The following ATP2C2 variants were observed in gnomAD, a reference collection of about 807,000 sequenced individuals.
The protein encoded by ATP2C2 is calcium-transporting ATPase type 2C member 2.
A neutral mutation model predicts 110.8 loss-of-function variants in ATP2C2; 171 were observed. That is an observed-to-expected ratio of 1.54 (90% CI 1.36 to 1.75). The LOEUF is 1.75. ATP2C2 is among the 40% of genes most tolerant of loss of function. The probability of loss-of-function intolerance (pLI) is 0.00; values close to 1 mark genes in which losing one functional copy is unlikely to be tolerated. For missense variants in ATP2C2, 1,963 were observed against 1,235.0 expected (o/e 1.59, Z -8.84); for synonymous variants, 804 against 508.4 (o/e 1.58, Z -7.82).
chr16:84,436,618 G>A (rs1158445949), intron 11 of ATP2C2, among the ~76,000 whole-genome samples: 3 of 152,128 alleles, frequency 2.0e-5, no homozygotes, highest in Non-Finnish European at 4.4e-5. Context: ...GGATCCATGC[G>A]GTGACAGCAC....
In ATP2C2 at chr16:84,450,037, G is replaced by A. The variant is rs548605212; in HGVS notation, c.1660+1348G>A. The stretch of plus-strand genomic sequence containing the variant: ...GTGCAGCCAGCGCCTTCGCCCGGAT[G>A]TCTGCTGCGGAGCGTAATGACGCGT... On this transcript the variant is annotated intron_variant, in intron 17 of 26. Transcript: ENST00000262429. 1.5e-4 allele frequency among the ~76,000 whole-genome samples: 23 copies of A among 152,386 alleles called. No individual in the cohort carries two copies. The South Asian group carries it at 4.6e-3, about 30-fold the overall frequency.
Position 84,452,038 on chromosome 16 carries a change from G to T in ATP2C2, c.1778G>T (p.Gly593Val), listed in dbSNP as rs540417817. 1.9e-6 allele frequency: 3 copies of T among 1,613,760 alleles called. No homozygotes were observed. Among genetic ancestry groups the T allele is most frequent in the Admixed American group, 3.3e-5 (2 of 59,964 alleles). The change falls in exon 18 of 27, where the codon GGT becomes GTT. Residue 593 changes from glycine to valine, a missense_variant. Coordinates refer to ENST00000262429, the MANE Select transcript of ATP2C2 (RefSeq NM_014861.4). ...GCAGTCCAGGTTCTCTCCGAGTCTG[G>T]TGTGTCTGTGAAGATGATAACGGGG... ...KEAVQVLSESGVSVKMITGDA... is the reference protein window; with the variant it reads ...KEAVQVLSESVVSVKMITGDA...
At chr16:84,413,641 TC>T (rs1906583496) in intron 6 of ATP2C2, among the ~76,000 whole-genome samples, 1 of 152,166 alleles carries the variant, frequency 6.6e-6, no homozygotes, top group South Asian at 2.1e-4. Context: ...TATTGATGTC[TC>T]CCGGGAGGTC....
chr16:84,412,741 A>C (rs1251366735), intron 6 of ATP2C2, among the ~76,000 whole-genome samples: 1 of 152,162 alleles, frequency 6.6e-6, no homozygotes, highest in East Asian at 1.9e-4. Context: ...ACATTGGTTG[A>C]GGTCCTGTCA....
intron 7 of ATP2C2, among the ~76,000 whole-genome samples, chr16:84,418,235 G>A (rs903662852): frequency 6.6e-6 from 1 of 152,186 alleles, no homozygotes; most frequent in African/African-American, 2.4e-5. Flanking sequence ...GTGAGCCCGC[G>A]ATTGTGCCTC....
chr16:84,404,370 C>T (rs753216303), intron 2 of ATP2C2: 64 of 156,646 alleles, frequency 4.1e-4, no homozygotes, highest in Non-Finnish European at 7.3e-4. Context: ...GCCTCTGACA[C>T]CCACCATTCT....
chr16:84,373,733 C>T (rs533902927), intron 1 of ATP2C2, among the ~76,000 whole-genome samples: 9 of 152,210 alleles, frequency 5.9e-5, no homozygotes, highest in Admixed American at 3.9e-4. Flanking sequence ...CCTTCAATGA[C>T]GTCATTCACG....
At chr16:84,400,242 C>A (rs746926225) in intron 2 of ATP2C2, among the ~76,000 whole-genome samples, 9 of 152,024 alleles carry the variant, frequency 5.9e-5, no homozygotes, top group Non-Finnish European at 1.3e-4. Context: ...GTGCAGATAT[C>A]TCTTCAATAT....
intron 2 of ATP2C2, 94 bp downstream of exon 2, chr16:84,398,703 G>C: frequency 2.1e-6 from 2 of 960,124 alleles, no homozygotes; most frequent in East Asian, 3.0e-5. Flanking sequence ...TTGAAATTCT[G>C]TGTTATTATC....
rs112814299 is a variant in ATP2C2, at chr16:84,454,871, C to T, written c.2034C>T (p.Asp678=). 1.3e-4 allele frequency: 208 copies of T among 1,613,754 alleles called. 2 individuals carry two copies. The African/African-American group carries it at 2.1e-3, about 16-fold the overall frequency. ...IVAMTGDGVN[D]AVALKSADIG... is the part of the protein sequence containing the mutation. Reference sequence around the variant, plus strand: ...CCATGACTGGGGATGGGGTGAACGACGCAGTGGCCCTGAAGTCTGCAGACA... The same window carrying T: ...CCATGACTGGGGATGGGGTGAACGATGCAGTGGCCCTGAAGTCTGCAGACA... Residue 678 remains aspartate, a synonymous_variant, in exon 21 of 27, where the codon GAC becomes GAT. Coordinates refer to ENST00000262429, the MANE Select transcript of ATP2C2 (RefSeq NM_014861.4).
chr16:84,455,416 G>C (rs1370393289), intron 21 of ATP2C2, among the ~76,000 whole-genome samples: 1 of 152,156 alleles, frequency 6.6e-6, no homozygotes, highest in Non-Finnish European at 1.5e-5. Flanking sequence ...AGGCCTGCGT[G>C]TTGATACATA....
At chr16:84,460,111 C>G (rs1249463963) in intron 23 of ATP2C2, 1 of 202,690 alleles carries the variant, frequency 4.9e-6, no homozygotes, top group Admixed American at 5.3e-5. Context: ...GTCCCCAAAG[C>G]CAAGTGTGAG....
chr16:84,439,144 C>G (rs774881251), intron 11 of ATP2C2, 22 bp from the exon 12 acceptor site: 2 of 1,611,870 alleles, frequency 1.2e-6, no homozygotes, highest in East Asian at 2.2e-5. Flanking sequence ...TTAGAGGGGA[C>G]TCATTTGACC....
At chr16:84,401,431 A>C (rs1172416792) in intron 2 of ATP2C2, among the ~76,000 whole-genome samples, 2 of 151,948 alleles carry the variant, frequency 1.3e-5, no homozygotes, top group Non-Finnish European at 2.9e-5. Context: ...TGCCATGTTG[A>C]CCAGGCTGAT....
At chr16:84,449,633 T>C (rs920390677) in intron 17 of ATP2C2, among the ~76,000 whole-genome samples, 3 of 152,120 alleles carry the variant, frequency 2.0e-5, no homozygotes, top group Non-Finnish European at 4.4e-5. Flanking sequence ...GCGAGCCAGG[T>C]GATCTGAGAG....
intron 17 of ATP2C2, among the ~76,000 whole-genome samples, chr16:84,449,764 A>T (rs1255994082): frequency 6.6e-6 from 1 of 152,174 alleles, no homozygotes; most frequent in East Asian, 1.9e-4. Context: ...TGCTTTTGTC[A>T]TGGTTGATAC....
chr16:84,461,920 C>G lies in ATP2C2; in HGVS notation c.2581-68C>G, dbSNP rs1362911922. On this transcript the variant is annotated intron_variant, in intron 25 of 26. Transcript: ENST00000262429. ...GCGGCTCTGGCTCAGCGTGGGCAGT[C>G]AGAGCTCCCCTGCCTGTACCTGGGG... is the stretch of plus-strand genomic sequence containing the variant. 11 of 1,607,426 alleles carry G rather than the reference C, an allele frequency of 6.8e-6. No individual in the cohort carries two copies. The Admixed American group carries it at 1.2e-4, about 17-fold the overall frequency.
chr16:84,431,737 TCTC>T (rs1343969580), intron 11 of ATP2C2, among the ~76,000 whole-genome samples: 12 of 152,074 alleles, frequency 7.9e-5, no homozygotes, highest in Admixed American at 7.9e-4. Context: ...CATGGCCCCT[TCTC>T]CTATTCCTAA....
chr16:84,369,387 G>C (rs897953443), intron 1 of ATP2C2, among the ~76,000 whole-genome samples: 16 of 129,972 alleles, frequency 1.2e-4, no homozygotes, highest in African/African-American at 5.2e-4. Flanking sequence ...CCAGGCTTGA[G>C]GGTGACCCAA....
Sources: allele counts gnomAD v4.1 joint callset (sites outside exome capture counted in the v4.1 genomes callset), GRCh38; gene constraint gnomAD v4.1.1; transcripts MANE v1.5; gene names NCBI Gene and HGNC (gene_info 2026-07-23, HGNC 2026-07-21).